The following CEACAM7 variants were observed in gnomAD, a reference collection of about 807,000 sequenced individuals.
The protein encoded by CEACAM7 is cell adhesion molecule CEACAM7.
CEACAM7 carries 24 observed loss-of-function variants against 25.7 expected under a neutral mutation model. The observed-to-expected ratio is 0.93, with a 90% confidence interval of 0.68 to 1.31. The LOEUF is 1.31. Ranked by LOEUF, CEACAM7 falls within the 40% of genes most tolerant of loss-of-function variation. CEACAM7 has a pLI of 0.00. For synonymous variants in CEACAM7, 144 were observed against 129.4 expected (o/e 1.11, Z -0.77); for missense variants, 324 against 330.1 (o/e 0.98, Z 0.14).
intron 3 of CEACAM7, among the ~76,000 whole-genome samples, chr19:41,681,039 T>C (rs2072169635): frequency 6.6e-6 from 1 of 152,126 alleles, no homozygotes; most frequent in South Asian, 2.1e-4. Flanking sequence ...GGATTAATTC[T>C]CAGAATATAT....
intron 4 of CEACAM7, 91 bp downstream of exon 4, chr19:41,677,285 C>T: frequency 3.0e-6 from 2 of 664,182 alleles, no homozygotes; most frequent in South Asian, 3.8e-5. Flanking sequence ...AGATCTAGTC[C>T]CAGATACAGG....
At chr19:41,678,189 T>G (rs1555810330) in intron 3 of CEACAM7, among the ~76,000 whole-genome samples, 1 of 152,068 alleles carries the variant, frequency 6.6e-6, no homozygotes, top group Non-Finnish European at 1.5e-5. Flanking sequence ...TGACTGCATC[T>G]CTCTGAATGA....
intron 1 of CEACAM7, among the ~76,000 whole-genome samples, chr19:41,687,819 T>G (rs1042011413): frequency 7.2e-5 from 11 of 152,178 alleles, no homozygotes; most frequent in African/African-American, 2.7e-4. Flanking sequence ...GTTATGTTTT[T>G]ATTTGAAGCG....
chr19:41,683,305 T>C lies in CEACAM7; in HGVS notation c.706+480A>G, dbSNP rs1011429119. Among the ~76,000 whole-genome samples the C allele has an allele frequency of 2.6e-5, 4 of 151,938 alleles. No individual in the cohort carries two copies. The South Asian group carries it at 8.3e-4, about 32-fold the overall frequency. On this transcript the variant is annotated intron_variant, in intron 3 of 4. Transcript: ENST00000401731. Reference sequence around the variant, plus strand: ...TACTCAGCCAAAAATACGGAGAGGGTGGGTTAGAGGCCACATGGATGAAGA... The same window carrying C: ...TACTCAGCCAAAAATACGGAGAGGGCGGGTTAGAGGCCACATGGATGAAGA...
intron 2 of CEACAM7, 52 bp downstream of exon 2, chr19:41,686,807 T>C (rs1433739893): frequency 2.0e-6 from 3 of 1,506,522 alleles, no homozygotes; most frequent in African/African-American, 1.4e-5. Context: ...ACCCCGTGTG[T>C]ATGAAGTAGA....
intron 3 of CEACAM7, among the ~76,000 whole-genome samples, chr19:41,682,421 C>T (rs1440281491): frequency 1.3e-5 from 2 of 152,122 alleles, no homozygotes; most frequent in Admixed American, 1.3e-4. Context: ...ATGTTCATCC[C>T]TAGCTGTGCT....
At chr19:41,676,016 T>C (rs1485541782) in intron 4 of CEACAM7, among the ~76,000 whole-genome samples, 1 of 152,218 alleles carries the variant, frequency 6.6e-6, no homozygotes, top group Non-Finnish European at 1.5e-5. Context: ...CATAGTACAT[T>C]AACAAATATG....
In CEACAM7 at chr19:41,686,850, A is replaced by G; in HGVS notation, c.427+9T>C. 7 of 1,523,180 alleles carry G rather than the reference A, an allele frequency of 4.6e-6. No individual in the cohort carries two copies. Among genetic ancestry groups the G allele is most frequent in the Non-Finnish European group, 6.1e-6 (7 of 1,138,350 alleles). 94.4% of individuals were successfully genotyped at this position (1,523,180 alleles called of 1,614,324 possible). On this transcript the variant is annotated intron_variant, in intron 2 of 4. Coordinates refer to ENST00000401731, the MANE Select transcript of CEACAM7 (RefSeq NM_001291485.2). ...CCCAGCACCCAGAAGTCATGGAGGT[A>G]TCACTCACAGAATACGTAGAATTGT...
chr19:41,673,484 A>G lies in CEACAM7; in HGVS notation c.*1292T>C, dbSNP rs913417302. 5 of 152,208 alleles carry G rather than the reference A, an allele frequency of 3.3e-5. No homozygotes were observed. 9.4% of individuals were successfully genotyped at this position (152,208 alleles called of 1,614,324 possible). ...AAATAAACTGATTGGTTAATTTCAG[A>G]ATACTTCATATTACTTTTTTCTAAG... On this transcript the variant is annotated 3_prime_UTR_variant, in exon 5 of 5. Transcript: ENST00000401731.
intron 3 of CEACAM7, among the ~76,000 whole-genome samples, chr19:41,679,649 T>G (rs2072151487): frequency 6.6e-6 from 1 of 152,068 alleles, no homozygotes; most frequent in Non-Finnish European, 1.5e-5. Context: ...GACAGGAACT[T>G]ACATGTAGAA....
chr19:41,684,055 G>A lies in CEACAM7; in HGVS notation c.436C>T (p.Pro146Ser), dbSNP rs1484785753. Residue 146 changes from proline (P) to serine (S), a missense_variant, in exon 3 of 5, where the codon CCC becomes TCC. Transcript: ENST00000401731. ...TRQFYVFSEP[P>S]KPSITSNNFN... Reference sequence around the variant, plus strand: ...TTGTTGCTGGTGATGGAGGGCTTGGGTGGCTCCGCTGTGCAGATAAGAGAG... The same window carrying A: ...TTGTTGCTGGTGATGGAGGGCTTGGATGGCTCCGCTGTGCAGATAAGAGAG... 19 of 1,613,982 alleles carry A rather than the reference G, an allele frequency of 1.2e-5. No individual in the cohort carries two copies. Among genetic ancestry groups the A allele is most frequent in the Non-Finnish European group, 1.5e-5 (18 of 1,180,012 alleles).
intron 1 of CEACAM7, 57 bp downstream of exon 1, chr19:41,688,045 C>A (rs532545310): frequency 3.3e-6 from 5 of 1,522,204 alleles, no homozygotes; most frequent in African/African-American, 1.4e-5. Flanking sequence ...CCCAAGGAGA[C>A]CCCAGCCAGT....
At chr19:41,686,777 G>A (rs1468937830) in intron 2 of CEACAM7, 82 bp downstream of exon 2, 1 of 1,434,372 alleles carries the variant, frequency 7.0e-7, no homozygotes, top group African/African-American at 1.4e-5. Flanking sequence ...TGGGGACACA[G>A]GCACAACCCA....
In CEACAM7 at chr19:41,688,085, G is replaced by T. The variant is rs2122736644; in HGVS notation, c.64+17C>A. 8.1e-6 allele frequency: 13 copies of T among 1,605,666 alleles called. No homozygotes were observed. Among genetic ancestry groups the T allele is most frequent in the Non-Finnish European group, 1.1e-5 (13 of 1,175,438 alleles). The stretch of plus-strand genomic sequence containing the variant: ...CTGGCCCTCCTCCCACCCACTCCCA[G>T]GAAGTCCTCCCCTCACCTGTGAGCA... On this transcript the variant is annotated intron_variant, in intron 1 of 4. Coordinates refer to ENST00000401731, the MANE Select transcript of CEACAM7 (RefSeq NM_001291485.2).
Position 41,688,194 on chromosome 19 carries a change from G to C in CEACAM7, c.-29C>G. 1 of 1,604,386 alleles carries C rather than the reference G, an allele frequency of 6.2e-7. No homozygotes were observed. Among genetic ancestry groups the C allele is most frequent in the Non-Finnish European group, 8.5e-7 (1 of 1,175,028 alleles). On this transcript the variant is annotated 5_prime_UTR_variant, in exon 1 of 5. Transcript: ENST00000401731. ...CTCTGCTGCCTGCTTGTCCTCTGTG[G>C]AGAAGAGCTTGGGCTCCAGGAACTC...
intron 3 of CEACAM7, among the ~76,000 whole-genome samples, chr19:41,678,258 A>G (rs903538634): frequency 2.6e-5 from 4 of 151,910 alleles, no homozygotes; most frequent in South Asian, 2.1e-4. Flanking sequence ...CCTCTCCCAT[A>G]TTAATCAGTA....
At chr19:41,677,559 C>A (rs2072128037) in intron 3 of CEACAM7, 56 bp from the exon 4 acceptor site, 2 of 1,281,218 alleles carry the variant, frequency 1.6e-6, no homozygotes, top group Admixed American at 1.7e-5. Flanking sequence ...CAGGGAAGTC[C>A]CCCAGGAACC....
chr19:41,680,677 A>G (rs4802126), intron 3 of CEACAM7, among the ~76,000 whole-genome samples: 30,828 of 152,154 alleles, frequency 0.2, 3,508 homozygotes, highest in Non-Finnish European at 0.26. Flanking sequence ...CTTTTCAACA[A>G]ATGATATTGG....
chr19:41,687,059 T>C lies in CEACAM7; in HGVS notation c.227A>G (p.Asn76Ser). ...TTTTACATATCCTATAATTCGATAG[T>C]TGGCATGCACCCTTTCCCCTTTGTA... The part of the protein sequence containing the change: ...NWYKGERVHA[N>S]YRIIGYVKNI... The change falls in exon 2 of 5, where the codon AAC becomes AGC. Residue 76 changes from asparagine to serine, a missense_variant. Coordinates refer to ENST00000401731, the MANE Select transcript of CEACAM7 (RefSeq NM_001291485.2). The C allele has an allele frequency of 6.2e-7, 1 of 1,614,148 alleles. No homozygotes were observed. The highest frequency in any genetic ancestry group is 8.5e-7 in the Non-Finnish European group (1 of 1,180,004).
Sources: allele counts gnomAD v4.1 joint callset (sites outside exome capture counted in the v4.1 genomes callset), GRCh38; gene constraint gnomAD v4.1.1; transcripts MANE v1.5; gene names NCBI Gene and HGNC (gene_info 2026-07-23, HGNC 2026-07-21).